The following CCDC40 variants were observed in gnomAD, a reference collection of about 807,000 sequenced individuals.
The protein encoded by CCDC40 is coiled-coil domain 40 molecular ruler complex subunit.
In CCDC40, 104 loss-of-function variants were observed where a neutral mutation model predicts 124.5. That is an observed-to-expected ratio of 0.84 (90% CI 0.71 to 0.98). The LOEUF (loss-of-function observed/expected upper bound fraction) is 0.98, where lower values mean the gene tolerates loss of function less well. Ranked by LOEUF, CCDC40 falls within the 50% of genes least tolerant of loss-of-function variation. CCDC40 has a pLI of 0.00. For synonymous variants in CCDC40, 580 were observed against 602.9 expected, an observed-to-expected ratio of 0.96 and a Z score of 0.56; for missense variants, 1,463 against 1,503.9, an observed-to-expected ratio of 0.97 and a Z score of 0.45.
rs757228914 is a variant in CCDC40 at position 80,058,655 on chromosome 17, T to C, written c.1317+4T>C. On this transcript the variant is annotated splice_donor_region_variant and intron_variant, in intron 8 of 19. Coordinates refer to ENST00000397545, the MANE Select transcript of CCDC40 (RefSeq NM_017950.4). This position sits in a 1 kb window ranked among gnomAD's most constrained non-coding sequence, Gnocchi z 4.2. ...AGAAATCGAGAAGAAAAAGCAGGTA[T>C]TCTGCAAACTCGACACATGTTTAAT... 2 of 1,614,154 alleles carry C rather than the reference T, an allele frequency of 1.2e-6. No homozygotes were observed. The highest frequency in any genetic ancestry group is 2.2e-5 in the South Asian group (2 of 91,070).
At chr17:80,072,468 G>A (rs1427361884) in intron 10 of CCDC40, among the ~76,000 whole-genome samples, 1 of 151,942 alleles carries the variant, frequency 6.6e-6, no homozygotes, top group East Asian at 1.9e-4. Context: ...TTTTTAAATT[G>A]GGCATCTTAT....
intron 19 of CCDC40, among the ~76,000 whole-genome samples, chr17:80,098,425 G>A (rs1370553744): frequency 6.6e-6 from 1 of 152,266 alleles, no homozygotes; most frequent in African/African-American, 2.4e-5. Flanking sequence ...GGGCACCTGG[G>A]GCTATTTGCA....
chr17:80,061,104 G>A (rs1380848692), intron 9 of CCDC40, among the ~76,000 whole-genome samples: 1 of 152,206 alleles, frequency 6.6e-6, no homozygotes, highest in Non-Finnish European at 1.5e-5. Context: ...CCAGCACTTT[G>A]GGAGGCCGAG....
intron 10 of CCDC40, among the ~76,000 whole-genome samples, chr17:80,080,064 A>C (rs1389167078): frequency 6.6e-6 from 1 of 151,998 alleles, no homozygotes; most frequent in African/African-American, 2.4e-5. Context: ...CATCTCTACA[A>C]AAATACAAAA....
Position 80,047,340 on chromosome 17 carries a change from G to A in CCDC40, c.614G>A (p.Arg205Gln), listed in dbSNP as rs572093892. 3.8e-5 allele frequency: 62 copies of A among 1,613,818 alleles called. No individual in the cohort carries two copies. The highest frequency in any genetic ancestry group is 1.3e-4 in the Admixed American group (8 of 59,992). ...VLPMGVQHRFRLSHGSDIESS... is the reference protein window; with the variant it reads ...VLPMGVQHRFQLSHGSDIESS... ...CCAATGGGCGTCCAGCACCGCTTCCGGCTGAGCCACGGGAGCGACATCGAG... is the reference window on the plus strand; with the variant it reads ...CCAATGGGCGTCCAGCACCGCTTCCAGCTGAGCCACGGGAGCGACATCGAG... Residue 205 changes from arginine to glutamine, a missense_variant, in exon 4 of 20, where the codon CGG (arginine) becomes CAG (glutamine). Arg to Gln is a conservative substitution (Grantham distance 43). Transcript: ENST00000397545.
At chr17:80,039,749 A>G (rs1037141704) in intron 2 of CCDC40, 63 bp from the exon 3 acceptor site, 24 of 1,576,792 alleles carry the variant, frequency 1.5e-5, no homozygotes, top group Non-Finnish European at 2.1e-5. Flanking sequence ...ACTATAAAGA[A>G]TAAAACCTCA....
At position 80,065,511 on chromosome 17, in the gene CCDC40, C is replaced by T. The variant is rs200154414; in HGVS notation, c.1467C>T (p.Ser489=). 2.8e-4 allele frequency: 445 copies of T among 1,612,994 alleles called. No individual in the cohort carries two copies. Among genetic ancestry groups the T allele is most frequent in the Non-Finnish European group, 3.5e-4 (418 of 1,179,972 alleles). The change falls in exon 10 of 20, where the codon AGC becomes AGT. Residue 489 remains serine (S), a synonymous_variant. Coordinates refer to ENST00000397545, the MANE Select transcript of CCDC40 (RefSeq NM_017950.4). ...CCTGCACCGAGATCGACGCCATCAG[C>T]GTGGAGAAGAGGCGCATCATGCAGC... ...SEACTEIDAI[S]VEKRRIMQQW...
intron 10 of CCDC40, among the ~76,000 whole-genome samples, chr17:80,071,269 G>A (rs2038179869): frequency 6.6e-6 from 1 of 152,192 alleles, no homozygotes; most frequent in Non-Finnish European, 1.5e-5. Context: ...AATACAGAGG[G>A]CAGACAGGTC....
At position 80,040,087 on chromosome 17, in the gene CCDC40, G is replaced by T; in HGVS notation, c.369G>T (p.Leu123=). ...TYPYFSPPQE[L]PGEEAYDSVS... is the part of the protein sequence containing the mutation. ...CGTATTTCAGTCCTCCTCAGGAACTGCCTGGAGAGGAGGCATACGATAGTG... is the reference window on the plus strand; with the variant it reads ...CGTATTTCAGTCCTCCTCAGGAACTTCCTGGAGAGGAGGCATACGATAGTG... The change falls in exon 3 of 20, where the codon CTG becomes CTT. Residue 123 remains leucine (L), a synonymous_variant. Transcript: ENST00000397545. 1.2e-6 allele frequency: 2 copies of T among 1,614,140 alleles called. No individual in the cohort carries two copies. Among genetic ancestry groups the T allele is most frequent in the South Asian group, 2.2e-5 (2 of 91,092 alleles).
chr17:80,047,533 A>C, intron 4 of CCDC40, 131 bp downstream of exon 4: 1 of 919,946 alleles, frequency 1.1e-6, no homozygotes, highest in Non-Finnish European at 1.7e-6. Context: ...AAAGAGAAAA[A>C]TCTTATTAAC....
chr17:80,088,166 G>C, intron 16 of CCDC40, 64 bp downstream of exon 16: 1 of 1,143,338 alleles, frequency 8.7e-7, no homozygotes. Context: ...GCCTCTGTCC[G>C]TTGAAGACCA....
At chr17:80,071,491 G>A (rs1192338626) in intron 10 of CCDC40, among the ~76,000 whole-genome samples, 2 of 152,164 alleles carry the variant, frequency 1.3e-5, no homozygotes, top group Non-Finnish European at 2.9e-5. Flanking sequence ...TCAGAGGCAC[G>A]GTGCCCAATG....
At chr17:80,067,614 G>T (rs1048241588) in intron 10 of CCDC40, 5 of 1,536,272 alleles carry the variant, frequency 3.3e-6, no homozygotes, top group Non-Finnish European at 4.4e-6. Flanking sequence ...CCTGCCCGGG[G>T]CATCGAGGGC....
Position 80,039,896 on chromosome 17 carries a change from G to A in CCDC40, c.178G>A (p.Ala60Thr). 6.2e-7 allele frequency: 1 copy of A among 1,613,898 alleles called. No individual in the cohort carries two copies. The highest frequency in any genetic ancestry group is 8.5e-7 in the Non-Finnish European group (1 of 1,179,930). ...TEHPEEVTTQ[A>T]EAAIEEGEVE... ...GCATCCTGAGGAAGTCACAACCCAA[G>A]CGGAAGCTGCAATTGAAGAGGGGGA... Residue 60 changes from alanine (A) to threonine (T), a missense_variant, in exon 3 of 20, where the codon GCG (alanine) becomes ACG (threonine). Physicochemically the swap from Ala to Thr is moderately conservative, Grantham distance 58. Coordinates refer to ENST00000397545, the MANE Select transcript of CCDC40 (RefSeq NM_017950.4).
Position 80,048,710 on chromosome 17 carries a change from CGAG to C in CCDC40, c.807_809del (p.Glu270del), listed in dbSNP as rs778526336. The C allele has an allele frequency of 1.2e-6, 2 of 1,613,878 alleles. No homozygotes were observed. The highest frequency in any genetic ancestry group is 2.2e-5 in the South Asian group (2 of 91,050). On this transcript the variant is annotated inframe_deletion, in exon 5 of 20. Coordinates refer to ENST00000397545, the MANE Select transcript of CCDC40 (RefSeq NM_017950.4). ...AGAGAGTGGAGTCCGAGGGGAGTGACGAGGAAGCAGAAGACGAAGGGTCCCAGC... is the reference window on the plus strand; with the variant it reads ...AGAGAGTGGAGTCCGAGGGGAGTGACGAAGCAGAAGACGAAGGGTCCCAGC...
At chr17:80,051,997 G>A (rs769437641) in intron 7 of CCDC40, among the ~76,000 whole-genome samples, 3 of 130,018 alleles carry the variant, frequency 2.3e-5, no homozygotes, top group African/African-American at 7.5e-5. Flanking sequence ...AAACAGCACC[G>A]TCTCTGCCTT....
At chr17:80,047,813 A>C (rs369172863) in intron 4 of CCDC40, among the ~76,000 whole-genome samples, 1 of 152,140 alleles carries the variant, frequency 6.6e-6, no homozygotes, top group East Asian at 1.9e-4. Flanking sequence ...CTGGCTTTCA[A>C]AGGCTTTCCA....
intron 9 of CCDC40, among the ~76,000 whole-genome samples, chr17:80,062,746 A>AT (rs2037937400): frequency 1.3e-5 from 2 of 151,950 alleles, no homozygotes; most frequent in Admixed American, 6.6e-5. Context: ...CACCGTGCTA[A>AT]TTTTTTTATT....
intron 7 of CCDC40, among the ~76,000 whole-genome samples, chr17:80,054,974 CA>C (rs11323639): frequency 0.36 from 48,676 of 134,868 alleles, 10,447 homozygotes; most frequent in African/African-American, 0.65. Context: ...GACACTGTCT[CA>C]AAAAAAAAAA....
Sources: gnomAD v4.1 joint callset for allele counts (sites outside exome capture counted in the v4.1 genomes callset) on GRCh38, gnomAD v4.1.1 for gene constraint, Gnocchi (gnomAD v3.1) non-coding constraint, MANE v1.5 for transcripts, NCBI Gene and HGNC (gene_info 2026-07-23, HGNC 2026-07-21) for gene names.